The following SKOR2 variants were observed in gnomAD, a reference collection of about 807,000 sequenced individuals.
SKOR2 encodes the protein LBX1 corepressor 1-like protein.
SKOR2 carries 47 observed loss-of-function variants against 69.1 expected under a neutral mutation model. That is an observed-to-expected ratio of 0.68 (90% CI 0.54 to 0.87). SKOR2 has a LOEUF of 0.87. SKOR2 is among the 40% of genes least tolerant of loss of function. SKOR2 has a pLI of 0.00. For missense variants in SKOR2, 1,404 were observed against 1,472.2 expected (o/e 0.95, Z 0.76); for synonymous variants, 717 against 672.6 (o/e 1.07, Z -1.02).
chr18:47,208,484 GT>G (rs2064119133), intron 8 of SKOR2, among the ~76,000 whole-genome samples: 2 of 152,142 alleles, frequency 1.3e-5, no homozygotes, highest in African/African-American at 4.8e-5. Flanking sequence ...ATGTAAAATG[GT>G]TTACTTCTTG....
chr18:47,234,550 G>A (rs2064213335), intron 4 of SKOR2: 1 of 152,100 alleles, frequency 6.6e-6, no homozygotes, highest in Non-Finnish European at 1.5e-5. Context: ...AGTGAGCAAT[G>A]GATTCCTCTT....
chr18:47,234,949 G>A (rs1242809448), intron 4 of SKOR2, among the ~76,000 whole-genome samples: 1 of 151,716 alleles, frequency 6.6e-6, no homozygotes, highest in Non-Finnish European at 1.5e-5. Flanking sequence ...CATGGAAGAA[G>A]CATATTTCTT....
In SKOR2 at chr18:47,207,243, T is replaced by C. The variant is rs115246690; in HGVS notation, c.*4-351A>G. Among the ~76,000 whole-genome samples, 1,127 of 152,306 alleles carry C rather than the reference T, an allele frequency of 7.4e-3. 9 individuals carry two copies. Among genetic ancestry groups the C allele is most frequent in the African/African-American group, 0.025 (1,036 of 41,578 alleles). ...CAAGTTACGTTTATTTTTCTTGTTC[T>C]GTGGTGTCAGGGCAACATAGAAGTA... On this transcript the variant is annotated intron_variant, in intron 8 of 8. Transcript: ENST00000425639.
Position 47,249,118 on chromosome 18 carries a change from C to T in SKOR2, c.66G>A (p.Gln22=), listed in dbSNP as rs1264069317. 8 of 1,535,948 alleles carry T rather than the reference C, an allele frequency of 5.2e-6. No individual in the cohort carries two copies. Among genetic ancestry groups the T allele is most frequent in the Non-Finnish European group, 7.0e-6 (8 of 1,146,844 alleles). ...GCCGCGGCTGGCTCAGCGTGTCGGG[C>T]TGGAAGGCGCTCGACGGCGACGCCA... is the stretch of plus-strand genomic sequence containing the variant. The part of the protein sequence containing the change: ...ILLASPSSAF[Q]PDTLSQPRPG... The change falls in exon 2 of 9, where the codon CAG becomes CAA. Residue 22 remains glutamine (Q), a synonymous_variant. Coordinates refer to ENST00000425639, the MANE Select transcript of SKOR2 (RefSeq NM_001278063.4).
Position 47,234,864 on chromosome 18 carries a change from G to GA in SKOR2, c.2753-3865dup, listed in dbSNP as rs769601681. On this transcript the variant is annotated intron_variant, in intron 4 of 8. Coordinates refer to ENST00000425639, the MANE Select transcript of SKOR2 (RefSeq NM_001278063.4). ...TGACAGAGCAAAACTCCATCTCAGG[G>GA]AAAAAAAAAAAGAGAGGGGGTGGGG... Among the ~76,000 whole-genome samples the GA allele has an allele frequency of 3.4e-4, 37 of 109,082 alleles. 1 individual carries two copies. Among genetic ancestry groups the GA allele is most frequent in the East Asian group, 2.5e-3 (10 of 3,926 alleles). The allele number at this position is 109,082 out of a possible 152,430, so 71.6% of individuals were successfully genotyped here. A position where few individuals can be genotyped will look rare whatever the true frequency, so the allele number is the denominator to read the frequency against.
intron 6 of SKOR2, among the ~76,000 whole-genome samples, chr18:47,229,590 G>A (rs2064190116): frequency 6.6e-6 from 1 of 152,028 alleles, no homozygotes; most frequent in Non-Finnish European, 1.5e-5. Context: ...GGTGGCAGAG[G>A]TTGCAGTGAG....
In SKOR2 at chr18:47,246,996, C is replaced by G; in HGVS notation, c.2188G>C (p.Asp730His). The change falls in exon 2 of 9, where the codon GAC (aspartate) becomes CAC (histidine). Residue 730 changes from aspartate (D) to histidine (H), a missense_variant. Physicochemically the swap from Asp to His is moderately conservative, Grantham distance 81. This residue lies in a region of SKOR2 where 1,266 missense variants were observed against 1,309.9 expected (regional missense o/e 0.97). Coordinates refer to ENST00000425639, the MANE Select transcript of SKOR2 (RefSeq NM_001278063.4). ...GGTSCCYPSEDSSEDEDDEEE... is the reference protein window; with the variant it reads ...GGTSCCYPSEHSSEDEDDEEE... ...TCGTCGTCCTCGTCCTCGGAGCTGTCCTCGCTGGGGTAGCAGCAGCTGGTT... is the reference window on the plus strand; with the variant it reads ...TCGTCGTCCTCGTCCTCGGAGCTGTGCTCGCTGGGGTAGCAGCAGCTGGTT... The G allele has an allele frequency of 6.7e-7, 1 of 1,498,828 alleles. No individual in the cohort carries two copies. Among genetic ancestry groups the G allele is most frequent in the Non-Finnish European group, 8.8e-7 (1 of 1,130,346 alleles). The allele number at this position is 1,498,828 out of a possible 1,614,324, so 92.8% of individuals were successfully genotyped here.
intron 7 of SKOR2, among the ~76,000 whole-genome samples, chr18:47,218,053 TA>T (rs1370423657): frequency 7.2e-5 from 11 of 152,340 alleles, no homozygotes; most frequent in East Asian, 1.9e-4. Context: ...AGACATGAGA[TA>T]TTTTTTTGTT....
intron 4 of SKOR2, among the ~76,000 whole-genome samples, chr18:47,244,278 A>G (rs2064261471): frequency 6.6e-6 from 1 of 152,200 alleles, no homozygotes; most frequent in South Asian, 2.1e-4. Context: ...TTGACAGTCA[A>G]TTAACCGTGA....
chr18:47,235,936 C>T (rs17723389), intron 4 of SKOR2, among the ~76,000 whole-genome samples: 58,465 of 151,944 alleles, frequency 0.38, 11,946 homozygotes, highest in Middle Eastern at 0.48. Flanking sequence ...TTCTAAAGTT[C>T]TCCCCACAAA....
chr18:47,213,457 C>T (rs116344039), intron 7 of SKOR2, among the ~76,000 whole-genome samples: 1,528 of 149,412 alleles, frequency 0.01, 25 homozygotes, highest in African/African-American at 0.035. Context: ...ATGTTTTCCT[C>T]TCATGATCCA....
chr18:47,243,488 C>T (rs2064258010), intron 4 of SKOR2, among the ~76,000 whole-genome samples: 1 of 152,146 alleles, frequency 6.6e-6, no homozygotes, highest in Admixed American at 6.6e-5. Context: ...CAAGATATTA[C>T]AGAATCAATT....
In SKOR2 at chr18:47,206,190, A is replaced by T. The variant is rs561395147; in HGVS notation, c.*706T>A. 6.6e-6 allele frequency: 1 copy of T among 152,258 alleles called. No individual in the cohort carries two copies. Among genetic ancestry groups the T allele is most frequent in the African/African-American group, 2.4e-5 (1 of 41,554 alleles). The allele number at this position is 152,258 out of a possible 1,614,324, so 9.4% of individuals were successfully genotyped here. On this transcript the variant is annotated 3_prime_UTR_variant, in exon 9 of 9. Coordinates refer to ENST00000425639, the MANE Select transcript of SKOR2 (RefSeq NM_001278063.4). ...ACCATTACTTCATAGTTTTTTTATT[A>T]TAGACTTTTTTATCCACATGAATGT...
At chr18:47,211,572 C>T (rs530225126) in intron 8 of SKOR2, among the ~76,000 whole-genome samples, 7 of 152,168 alleles carry the variant, frequency 4.6e-5, no homozygotes, top group Non-Finnish European at 7.3e-5. Context: ...CTGGCTTCAG[C>T]TGTAGAGAAA....
chr18:47,224,296 C>G (rs975868391), intron 6 of SKOR2, among the ~76,000 whole-genome samples: 1 of 152,180 alleles, frequency 6.6e-6, no homozygotes, highest in Admixed American at 6.5e-5. Context: ...ATGAGAATCA[C>G]TTATAACCCA....
At chr18:47,236,267 ACGCCTGAGT>A (rs2064223209) in intron 4 of SKOR2, among the ~76,000 whole-genome samples, 1 of 152,182 alleles carries the variant, frequency 6.6e-6, no homozygotes, top group African/African-American at 2.4e-5. Context: ...CTGGAATTAT[ACGCCTGAGT>A]CACTGCACCT....
chr18:47,246,036 T>C (rs1338629825), intron 2 of SKOR2, among the ~76,000 whole-genome samples: 2 of 152,162 alleles, frequency 1.3e-5, no homozygotes, highest in Admixed American at 1.3e-4. Flanking sequence ...AGATCCTGTC[T>C]TTTGTTTCAC....
intron 1 of SKOR2, among the ~76,000 whole-genome samples, chr18:47,250,846 A>T (rs1380022820): frequency 6.6e-6 from 1 of 152,122 alleles, no homozygotes; most frequent in Non-Finnish European, 1.5e-5. Context: ...CGAGTCTGAT[A>T]CAACCAACAC....
intron 6 of SKOR2, among the ~76,000 whole-genome samples, chr18:47,223,671 T>C (rs2064168906): frequency 1.3e-5 from 2 of 152,164 alleles, no homozygotes; most frequent in Admixed American, 1.3e-4. Flanking sequence ...AAATGTTGTG[T>C]ATTACATTTC....
Sources: allele counts gnomAD v4.1 joint callset (sites outside exome capture counted in the v4.1 genomes callset), GRCh38; gene constraint gnomAD v4.1.1; regional missense constraint gnomAD v4.1.1; transcripts MANE v1.5; gene names NCBI Gene and HGNC (gene_info 2026-07-23, HGNC 2026-07-21).